Variants in DLG2 observed in about 807,000 individuals in gnomAD.
The protein encoded by DLG2 is disks large homolog 2.
Under a neutral mutation model 132.5 loss-of-function variants are expected in DLG2, and 45 were observed. The ratio of observed to expected loss-of-function variants is 0.34; its 90% CI spans 0.27 to 0.44. The LOEUF (loss-of-function observed/expected upper bound fraction) is 0.44. DLG2 is among the 20% of genes least tolerant of loss of function. The pLI is 1.00. For synonymous variants in DLG2, 424 were observed against 419.6 expected, an observed-to-expected ratio of 1.01 and a Z score of -0.13; for missense variants, 1,045 against 1,196.9, an observed-to-expected ratio of 0.87 and a Z score of 1.87.
At chr11:83,958,941 G>T (rs2087684337) in intron 14 of DLG2, among the ~76,000 whole-genome samples, 1 of 152,092 alleles carries the variant, frequency 6.6e-6, no homozygotes, top group East Asian at 1.9e-4. Flanking sequence ...CAACCAGAAA[G>T]AGAGATTAGA....
At chr11:84,593,074 G>A (rs559042475) in intron 6 of DLG2, among the ~76,000 whole-genome samples, 14 of 149,316 alleles carry the variant, frequency 9.4e-5, no homozygotes, top group South Asian at 8.6e-4. Context: ...AGCCAAGATC[G>A]TGCCACTGCA....
chr11:83,676,824 TTA>T (rs1243024452), intron 18 of DLG2, among the ~76,000 whole-genome samples: 3 of 152,152 alleles, frequency 2.0e-5, no homozygotes, highest in Non-Finnish European at 2.9e-5. Flanking sequence ...AAGGGCCCAT[TTA>T]TCCATGTCCC....
intron 3 of DLG2, among the ~76,000 whole-genome samples, chr11:85,583,289 C>T (rs1406424285): frequency 6.7e-6 from 1 of 148,866 alleles, no homozygotes; most frequent in Non-Finnish European, 1.5e-5. Flanking sequence ...CCTCAGCCTC[C>T]CAAGAAGTTA....
chr11:84,745,401 T>A (rs1057448365), intron 6 of DLG2, among the ~76,000 whole-genome samples: 1 of 152,192 alleles, frequency 6.6e-6, no homozygotes, highest in African/African-American at 2.4e-5. Flanking sequence ...GGTCTGGCCA[T>A]ATGACATGTC....
intron 6 of DLG2, among the ~76,000 whole-genome samples, chr11:84,818,988 C>T (rs1166734908): frequency 6.6e-6 from 1 of 151,378 alleles, no homozygotes; most frequent in Non-Finnish European, 1.5e-5. Flanking sequence ...GAAGCTAATA[C>T]ATTTAATGAG....
At chr11:84,923,864 A>G (rs1201462321) in intron 6 of DLG2, among the ~76,000 whole-genome samples, 3 of 152,172 alleles carry the variant, frequency 2.0e-5, no homozygotes, top group African/African-American at 7.2e-5. Context: ...TTTTAGAGCT[A>G]TCTAAAGTTG....
intron 6 of DLG2, among the ~76,000 whole-genome samples, chr11:84,624,689 C>T (rs998289763): frequency 5.9e-5 from 9 of 151,502 alleles, no homozygotes; most frequent in African/African-American, 2.2e-4. Flanking sequence ...CCATGACATT[C>T]CTCCTTTTAT....
intron 11 of DLG2, among the ~76,000 whole-genome samples, chr11:84,045,816 G>A (rs191113062): frequency 6.6e-6 from 1 of 151,528 alleles, no homozygotes; most frequent in Non-Finnish European, 1.5e-5. Context: ...TAATGAACTG[G>A]GGGTCTTAAT....
chr11:84,166,517 A>AAAAAG (rs1555391554), intron 8 of DLG2, among the ~76,000 whole-genome samples: 1 of 136,376 alleles, frequency 7.3e-6, no homozygotes, highest in African/African-American at 2.8e-5. Context: ...AAAAAAAAAA[A>AAAAAG]AAAGAAAAGA....
intron 3 of DLG2, among the ~76,000 whole-genome samples, chr11:85,346,866 T>C (rs1820883925): frequency 6.6e-6 from 1 of 151,902 alleles, no homozygotes; most frequent in Non-Finnish European, 1.5e-5. Flanking sequence ...AGTCAATGAA[T>C]GGAGAAGGCA....
intron 3 of DLG2, among the ~76,000 whole-genome samples, chr11:85,491,866 A>G (rs565702668): frequency 2.0e-5 from 3 of 152,234 alleles, no homozygotes; most frequent in South Asian, 2.1e-4. Context: ...CAAAATTTTA[A>G]TGACATTTTC....
intron 6 of DLG2, among the ~76,000 whole-genome samples, chr11:84,783,307 T>G (rs1343405143): frequency 6.6e-6 from 1 of 152,130 alleles, no homozygotes; most frequent in South Asian, 2.1e-4. Flanking sequence ...TTAAATAAAG[T>G]ATTTGTTCTG....
At chr11:83,956,679 T>G (rs1000448194) in intron 14 of DLG2, among the ~76,000 whole-genome samples, 3 of 152,260 alleles carry the variant, frequency 2.0e-5, no homozygotes, top group African/African-American at 7.2e-5. Context: ...ATTTCTTTCC[T>G]GTATAAGAAG....
chr11:83,738,953 G>A (rs1465029589), intron 18 of DLG2, among the ~76,000 whole-genome samples: 1 of 151,336 alleles, frequency 6.6e-6, no homozygotes, highest in Non-Finnish European at 1.5e-5. Context: ...AGTCCAAAGT[G>A]CTGGGGGATA....
chr11:85,608,139 T>G (rs1565754769), intron 2 of DLG2, among the ~76,000 whole-genome samples: 2 of 152,022 alleles, frequency 1.3e-5, no homozygotes, highest in Non-Finnish European at 2.9e-5. Context: ...CTATTCTGAT[T>G]AGCAGGGTCC....
In DLG2 at chr11:83,484,871, ACAACATTTTTATT is replaced by A. The variant is rs376929307; in HGVS notation, c.2194-656_2194-644del. 6.5e-3 allele frequency among the ~76,000 whole-genome samples: 993 copies of A among 152,280 alleles called. 11 individuals are homozygous for A. The highest frequency in any genetic ancestry group is 0.023 in the African/African-American group (945 of 41,564). ...CACATGAATATATAATCATTAGAAT[ACAACATTTTTATT>A]CAAAAGAGATTTTTAACAATAATTA... On this transcript the variant is annotated intron_variant, in intron 21 of 27. Coordinates refer to ENST00000376104, the MANE Select transcript of DLG2 (RefSeq NM_001142699.3).
At chr11:83,845,561 TAGAA>T (rs1428408576) in intron 16 of DLG2, among the ~76,000 whole-genome samples, 1 of 152,180 alleles carries the variant, frequency 6.6e-6, no homozygotes, top group South Asian at 2.1e-4. Flanking sequence ...ATTAAAATAA[TAGAA>T]AGAAATCTGT....
At chr11:83,661,284 A>G (rs2074202563) in intron 18 of DLG2, among the ~76,000 whole-genome samples, 1 of 152,206 alleles carries the variant, frequency 6.6e-6, no homozygotes. Flanking sequence ...AGATGAGAAT[A>G]TAATTATTAT....
chr11:83,484,426 A>G (rs550161984), intron 21 of DLG2, among the ~76,000 whole-genome samples, 198 bp from the exon 22 acceptor site: 56 of 152,152 alleles, frequency 3.7e-4, no homozygotes, highest in Non-Finnish European at 5.6e-4. Flanking sequence ...CACCTTGGAA[A>G]AATTGTCTCC....
Sources: gnomAD v4.1 joint callset for allele counts (sites outside exome capture counted in the v4.1 genomes callset) on GRCh38, gnomAD v4.1.1 for gene constraint, MANE v1.5 for transcripts, NCBI Gene and HGNC (gene_info 2026-07-23, HGNC 2026-07-21) for gene names.